Variants in RSPH3 observed in about 807,000 individuals in gnomAD.
The protein encoded by RSPH3 is radial spoke head protein 3 homolog.
A neutral mutation model predicts 43.8 loss-of-function variants in RSPH3; 21 were observed. That is an observed-to-expected ratio of 0.48 (90% CI 0.34 to 0.69). The LOEUF is 0.69. Ranked by LOEUF, RSPH3 falls within the 30% of genes least tolerant of loss-of-function variation. RSPH3 has a pLI of 0.01. For synonymous variants in RSPH3, 173 were observed against 179.8 expected, an observed-to-expected ratio of 0.96 and a Z score of 0.30; for missense variants, 487 against 516.0, an observed-to-expected ratio of 0.94 and a Z score of 0.54.
At chr6:158,972,075 A>G (rs971485188), downstream of RSPH3, among the ~76,000 whole-genome samples, 1 of 152,176 alleles carries the variant, frequency 6.6e-6, no homozygotes, top group Non-Finnish European at 1.5e-5. Flanking sequence ...CAATAAAATC[A>G]TTTTGTCTCC....
In RSPH3 at chr6:158,989,944, C is replaced by A. The variant is rs1778352376; in HGVS notation, c.205-3523G>T. 2.0e-5 allele frequency among the ~76,000 whole-genome samples: 3 copies of A among 152,176 alleles called. No homozygotes were observed. The South Asian group carries it at 6.2e-4, about 32-fold the overall frequency. ...GACCCACCCTTAATCGGGGTGGGCA[C>A]AATCTAATCAACTGCCAGAGTGGCT... On this transcript the variant is annotated intron_variant, in intron 2 of 7. Coordinates refer to ENST00000367069, the MANE Select transcript of RSPH3 (RefSeq NM_031924.8). This position sits in a 1 kb window ranked among gnomAD's most constrained non-coding sequence, Gnocchi z 4.3.
At chr6:158,994,007 A>G in intron 1 of RSPH3, 81 bp from the exon 2 acceptor site, 1 of 701,328 alleles carries the variant, frequency 1.4e-6, no homozygotes, top group Non-Finnish European at 2.4e-6. Flanking sequence ...TAGGATTTAG[A>G]CTAAAATCAA....
chr6:158,986,630 C>G (rs1778245903), intron 2 of RSPH3, among the ~76,000 whole-genome samples: 1 of 152,100 alleles, frequency 6.6e-6, no homozygotes, highest in Admixed American at 6.5e-5. Context: ...CAAAGTATGG[C>G]TGTTAACTGG....
At chr6:158,969,050 C>G (rs76344248), downstream of RSPH3, among the ~76,000 whole-genome samples, 2,712 of 152,260 alleles carry the variant, frequency 0.018, 34 homozygotes, top group Middle Eastern at 0.024. Flanking sequence ...AGAAGAATTA[C>G]AAAGAAAAGT....
intron 4 of RSPH3, among the ~76,000 whole-genome samples, chr6:158,982,920 T>C (rs139275581): frequency 3.8e-4 from 58 of 152,314 alleles, no homozygotes; most frequent in African/African-American, 1.4e-3. Context: ...TTCATCAAAA[T>C]GAACCCTGAC....
chr6:158,969,875 T>C (rs1777675000), downstream of RSPH3, among the ~76,000 whole-genome samples: 1 of 152,226 alleles, frequency 6.6e-6, no homozygotes, highest in Non-Finnish European at 1.5e-5. Context: ...TTTTCTCTCT[T>C]AACTGATATT....
chr6:158,972,437 G>A (rs951626315), downstream of RSPH3, among the ~76,000 whole-genome samples: 1 of 152,174 alleles, frequency 6.6e-6, no homozygotes, highest in Non-Finnish European at 1.5e-5. Context: ...ACTTTAGGGC[G>A]AGATAAAATA....
chr6:158,988,090 G>A (rs1304414718), intron 2 of RSPH3: 1 of 152,116 alleles, frequency 6.6e-6, no homozygotes, highest in Non-Finnish European at 1.5e-5. Flanking sequence ...GCTTTTATTT[G>A]TCTAGGAAAG....
chr6:158,990,016 C>T (rs972190348), intron 2 of RSPH3, among the ~76,000 whole-genome samples: 1 of 152,052 alleles, frequency 6.6e-6, no homozygotes, highest in African/African-American at 2.4e-5. Context: ...CTGGCCTAGC[C>T]CCCCAGCCTA....
Position 158,999,980 on chromosome 6 carries a change from T to C in RSPH3, c.-430A>G, listed in dbSNP as rs964002768. On this transcript the variant is annotated 5_prime_UTR_variant, in exon 1 of 8. Transcript: ENST00000367069. ...CCTTGGCTGGCTTGACCGTCATCCT[T>C]GAGGCCTGCGGGGCAACGGTGGCTG... The C allele has an allele frequency of 6.3e-7, 1 of 1,579,586 alleles. No individual in the cohort carries two copies. The highest frequency in any genetic ancestry group is 1.2e-5 in the South Asian group (1 of 86,412).
In RSPH3 at chr6:159,000,043, G is replaced by T. The variant is rs185887960; in HGVS notation, c.-493C>A. Reference sequence around the variant, plus strand: ...CTTTGGAATGTGGCTTTGCAGGGCTGGTGTTGGCGCCATTCTCGCAGGCCC... The same window carrying T: ...CTTTGGAATGTGGCTTTGCAGGGCTTGTGTTGGCGCCATTCTCGCAGGCCC... On this transcript the variant is annotated 5_prime_UTR_variant, in exon 1 of 8. Transcript: ENST00000367069. 1.8e-5 allele frequency: 26 copies of T among 1,462,478 alleles called. No homozygotes were observed. The African/African-American group carries it at 2.3e-4, about 13-fold the overall frequency. 90.6% of individuals were successfully genotyped at this position (1,462,478 alleles called of 1,614,324 possible).
chr6:158,981,397 T>C (rs557737896), intron 5 of RSPH3, among the ~76,000 whole-genome samples: 3 of 152,204 alleles, frequency 2.0e-5, no homozygotes, highest in Non-Finnish European at 4.4e-5. Context: ...CTTTAGACCA[T>C]GTAATATTTA....
At chr6:158,963,095 G>A in the RSPH3 span, among the ~76,000 whole-genome samples, 22 of 151,856 alleles carry the variant, frequency 1.4e-4, no homozygotes, top group Admixed American at 1.1e-3. Context: ...CTATCTGTAA[G>A]GAATACTGAA....
chr6:158,992,050 GTTTTT>G (rs1214613827), intron 2 of RSPH3, among the ~76,000 whole-genome samples: 1 of 113,816 alleles, frequency 8.8e-6, no homozygotes, highest in East Asian at 2.7e-4. Context: ...AATGAGCACT[GTTTTT>G]TTTTTTTTTT....
intron 3 of RSPH3, among the ~76,000 whole-genome samples, chr6:158,984,684 T>C (rs887505344): frequency 2.6e-5 from 4 of 151,754 alleles, no homozygotes; most frequent in Non-Finnish European, 5.9e-5. Context: ...GAGTCAGATG[T>C]TGGGCATAGG....
intron 2 of RSPH3, among the ~76,000 whole-genome samples, chr6:158,992,648 G>A (rs767152654): frequency 6.6e-6 from 1 of 152,090 alleles, no homozygotes; most frequent in Non-Finnish European, 1.5e-5. Context: ...CAGGTTTGGT[G>A]TTTTAAATTC....
At chr6:158,993,957 T>G (rs1778507055) in intron 1 of RSPH3, 31 bp from the exon 2 acceptor site, 1 of 1,166,668 alleles carries the variant, frequency 8.6e-7, no homozygotes, top group Non-Finnish European at 1.3e-6. Flanking sequence ...TATAACCACT[T>G]TAATAGAGTA....
downstream of RSPH3, among the ~76,000 whole-genome samples, chr6:158,968,843 C>T (rs1484081333): frequency 4.0e-5 from 6 of 151,196 alleles, no homozygotes; most frequent in Non-Finnish European, 8.8e-5. Context: ...TCCCGAGTAG[C>T]TGGGACTACA....
rs1343075549 is a variant in RSPH3 at position 158,974,788 on chromosome 6, C to A, written c.*2750G>T. 1.3e-5 allele frequency: 2 copies of A among 151,848 alleles called. No homozygotes were observed. The highest frequency in any genetic ancestry group is 2.9e-5 in the Non-Finnish European group (2 of 67,988). The allele number at this position is 151,848 out of a possible 1,614,324, so 9.4% of individuals were successfully genotyped here. ...CTGCAAAGTGTTTAATGGACTGGATCATTCTAAAGGAGAATTAGAAGATTA... is the reference window on the plus strand; with the variant it reads ...CTGCAAAGTGTTTAATGGACTGGATAATTCTAAAGGAGAATTAGAAGATTA... On this transcript the variant is annotated 3_prime_UTR_variant, in exon 8 of 8. Transcript: ENST00000367069.
Sources: gnomAD v4.1 joint callset for allele counts (sites outside exome capture counted in the v4.1 genomes callset) on GRCh38, gnomAD v4.1.1 for gene constraint, Gnocchi (gnomAD v3.1) non-coding constraint, MANE v1.5 for transcripts, NCBI Gene and HGNC (gene_info 2026-07-23, HGNC 2026-07-21) for gene names.